Variants in ADGRL3 observed in about 807,000 individuals in gnomAD.
The protein encoded by ADGRL3 is calcium-independent alpha-latrotoxin receptor 3.
In ADGRL3, 62 loss-of-function variants were observed where a neutral mutation model predicts 153.5. The ratio of observed to expected loss-of-function variants is 0.40; its 90% CI spans 0.33 to 0.50. ADGRL3 has a LOEUF of 0.50. Ranked by LOEUF, ADGRL3 falls within the 20% of genes least tolerant of loss-of-function variation. The pLI is 0.47. For missense variants in ADGRL3, 1,641 were observed against 1,859.4 expected (o/e 0.88, Z 2.16); for synonymous variants, 710 against 672.5 (o/e 1.06, Z -0.86).
At chr4:62,012,371 ATAGT>A (rs1313705978) in intron 21 of ADGRL3, among the ~76,000 whole-genome samples, 8 of 152,192 alleles carry the variant, frequency 5.3e-5, no homozygotes, top group South Asian at 2.1e-4. Context: ...AATAATAAGA[ATAGT>A]TAGTTCATTG....
At chr4:61,912,195 C>A (rs1038457809) in intron 12 of ADGRL3, among the ~76,000 whole-genome samples, 2 of 152,106 alleles carry the variant, frequency 1.3e-5, no homozygotes, top group African/African-American at 4.8e-5. Flanking sequence ...ATCAAAGAGT[C>A]ATAATGAATG....
intron 1 of ADGRL3, among the ~76,000 whole-genome samples, chr4:61,274,571 A>G (rs760030887): frequency 6.6e-6 from 1 of 152,182 alleles, no homozygotes; most frequent in Non-Finnish European, 1.5e-5. Context: ...TTAAAAAACA[A>G]CATATTAAGG....
At chr4:61,506,472 G>T (rs2098429928) in intron 3 of ADGRL3, among the ~76,000 whole-genome samples, 1 of 151,970 alleles carries the variant, frequency 6.6e-6, no homozygotes, top group Non-Finnish European at 1.5e-5. Flanking sequence ...TTATATTTAG[G>T]ACTCGCCCAC....
chr4:61,575,979 T>C (rs1161048586), intron 4 of ADGRL3, among the ~76,000 whole-genome samples: 1 of 152,054 alleles, frequency 6.6e-6, no homozygotes, highest in African/African-American at 2.4e-5. Flanking sequence ...TAGAGTGCTT[T>C]ACGTGCCCTG....
chr4:61,622,521 T>C (rs555723345), intron 5 of ADGRL3, among the ~76,000 whole-genome samples: 22 of 151,940 alleles, frequency 1.4e-4, no homozygotes, highest in African/African-American at 4.8e-4. Context: ...GGAATAATAA[T>C]AATTAAAGTA....
At chr4:62,004,398 G>T (rs2099150762) in intron 21 of ADGRL3, among the ~76,000 whole-genome samples, 1 of 151,846 alleles carries the variant, frequency 6.6e-6, no homozygotes, top group African/African-American at 2.4e-5. Context: ...TTCATCAATT[G>T]CAGAGTTGTC....
chr4:61,747,243 G>A (rs1397141950), intron 8 of ADGRL3, among the ~76,000 whole-genome samples: 53 of 149,560 alleles, frequency 3.5e-4, no homozygotes, highest in African/African-American at 1.3e-3. Flanking sequence ...AAGAGTCCAG[G>A]ACCAGATGGA....
intron 5 of ADGRL3, among the ~76,000 whole-genome samples, chr4:61,611,583 A>C (rs2149689030): frequency 6.6e-6 from 1 of 152,252 alleles, no homozygotes; most frequent in African/African-American, 2.4e-5. Context: ...TTCAGTAAAT[A>C]TCTTTTTTTA....
intron 1 of ADGRL3, among the ~76,000 whole-genome samples, chr4:61,332,525 A>G (rs1404221937): frequency 6.6e-6 from 1 of 152,056 alleles, no homozygotes; most frequent in Admixed American, 6.6e-5. Flanking sequence ...TCTAATTATA[A>G]TTTTAGGTTA....
chr4:61,921,908 G>A (rs1001446541), intron 13 of ADGRL3, among the ~76,000 whole-genome samples: 2 of 152,152 alleles, frequency 1.3e-5, no homozygotes, highest in Non-Finnish European at 2.9e-5. Flanking sequence ...GTGTAGACAG[G>A]ATCACAAGCT....
intron 19 of ADGRL3, among the ~76,000 whole-genome samples, chr4:61,989,721 T>A (rs1338280668): frequency 6.6e-6 from 1 of 152,062 alleles, no homozygotes; most frequent in Non-Finnish European, 1.5e-5. Flanking sequence ...ACTGTGCTGT[T>A]ATTTTTAAAA....
chr4:61,222,632 GAGA>G (rs1344388234), intron 1 of ADGRL3, among the ~76,000 whole-genome samples: 17 of 152,286 alleles, frequency 1.1e-4, no homozygotes, highest in African/African-American at 3.6e-4. Context: ...AAATGCCAGT[GAGA>G]AGAATGGCAG....
In ADGRL3 at chr4:62,074,143, C is replaced by T. The variant is rs1333797164; in HGVS notation, c.*3235C>T. 1 of 151,856 alleles carries T rather than the reference C, an allele frequency of 6.6e-6. No individual in the cohort carries two copies. Among genetic ancestry groups the T allele is most frequent in the African/African-American group, 2.4e-5 (1 of 41,348 alleles). 9.4% of individuals were successfully genotyped at this position (151,856 alleles called of 1,614,324 possible). A position where few individuals can be genotyped will look rare whatever the true frequency, so the allele number is the denominator to read the frequency against. On this transcript the variant is annotated 3_prime_UTR_variant, in exon 27 of 27. Coordinates refer to ENST00000683033, the MANE Select transcript of ADGRL3 (RefSeq NM_001387552.1). ...GACTCAATTTTTTAAGATCCTGAGACATTTATGACCTGCTTATCTGTATAT... is the reference window on the plus strand; with the variant it reads ...GACTCAATTTTTTAAGATCCTGAGATATTTATGACCTGCTTATCTGTATAT...
chr4:61,217,684 T>C (rs542230726), intron 1 of ADGRL3, among the ~76,000 whole-genome samples: 2 of 152,340 alleles, frequency 1.3e-5, no homozygotes, highest in African/African-American at 4.8e-5. Flanking sequence ...TATACAAATA[T>C]TGAAATGAAG....
chr4:62,054,243 A>G (rs979219793), intron 25 of ADGRL3, among the ~76,000 whole-genome samples: 1 of 151,692 alleles, frequency 6.6e-6, no homozygotes, highest in African/African-American at 2.4e-5. Flanking sequence ...CAAAATGTTC[A>G]AGTTAAAAGA....
chr4:61,376,958 T>C (rs1487692868), intron 1 of ADGRL3, among the ~76,000 whole-genome samples: 1 of 152,142 alleles, frequency 6.6e-6, no homozygotes, highest in Non-Finnish European at 1.5e-5. Flanking sequence ...CTAAAGGAAA[T>C]AGAGAAAAGA....
At chr4:61,567,928 T>C (rs1047776214) in intron 4 of ADGRL3, among the ~76,000 whole-genome samples, 2 of 152,218 alleles carry the variant, frequency 1.3e-5, no homozygotes, top group African/African-American at 4.8e-5. Context: ...ATTAGATTGC[T>C]ACTTCTTCCT....
At chr4:61,434,806 C>T (rs74409067) in intron 2 of ADGRL3, among the ~76,000 whole-genome samples, 16 of 152,018 alleles carry the variant, frequency 1.1e-4, no homozygotes, top group African/African-American at 3.9e-4. Context: ...AACATACTCA[C>T]AGCTTGTTTT....
intron 1 of ADGRL3, among the ~76,000 whole-genome samples, chr4:61,304,436 T>A (rs889233310): frequency 6.6e-6 from 1 of 152,246 alleles, no homozygotes; most frequent in Admixed American, 6.5e-5. Context: ...AGCTCCTGAA[T>A]GGCAGCAGGC....
Sources: allele counts gnomAD v4.1 joint callset (sites outside exome capture counted in the v4.1 genomes callset), GRCh38; gene constraint gnomAD v4.1.1; transcripts MANE v1.5; gene names NCBI Gene and HGNC (gene_info 2026-07-23, HGNC 2026-07-21).